Variants in HDAC1 observed in about 807,000 individuals in gnomAD.
The protein encoded by HDAC1 is protein deacetylase HDAC1.
A neutral mutation model predicts 65.5 loss-of-function variants in HDAC1; 18 were observed. That is an observed-to-expected ratio of 0.27 (90% CI 0.19 to 0.41). The LOEUF (loss-of-function observed/expected upper bound fraction) is 0.41, where lower values mean the gene tolerates loss of function less well. HDAC1 is among the 10% of genes least tolerant of loss of function. The probability of loss-of-function intolerance (pLI) is 1.00; values close to 1 mark genes in which losing one functional copy is unlikely to be tolerated. For synonymous variants in HDAC1, 211 were observed against 227.9 expected, an observed-to-expected ratio of 0.93 and a Z score of 0.67; for missense variants, 373 against 625.2, an observed-to-expected ratio of 0.60 and a Z score of 4.30.
In HDAC1 at chr1:32,330,262, G is replaced by C. The variant is rs1641273476; in HGVS notation, c.730-316G>C. On this transcript the variant is annotated intron_variant, in intron 7 of 13. Coordinates refer to ENST00000373548, the MANE Select transcript of HDAC1 (RefSeq NM_004964.3). The surrounding 1 kb of genome is among the most constrained non-coding windows in gnomAD (Gnocchi z 4.2). The stretch of plus-strand genomic sequence containing the variant: ...AATGAGTAGAGTAGATGCAGCTAAA[G>C]GTCAGGAAGGCTTCCTGGAGGAAGT... The C allele has an allele frequency of 1.2e-5, 4 of 346,314 alleles. No homozygotes were observed. The highest frequency in any genetic ancestry group is 4.3e-5 in the Admixed American group (1 of 23,010). The allele number at this position is 346,314 out of a possible 1,614,324, so 21.5% of individuals were successfully genotyped here.
At chr1:32,292,614 G>C (rs550367888) in intron 1 of HDAC1, among the ~76,000 whole-genome samples, 5 of 152,170 alleles carry the variant, frequency 3.3e-5, no homozygotes, top group Non-Finnish European at 7.4e-5. Flanking sequence ...CATCTTTTCT[G>C]GGGGAAGAGT....
chr1:32,323,797 G>A (rs1557609866), intron 3 of HDAC1, among the ~76,000 whole-genome samples: 1 of 152,176 alleles, frequency 6.6e-6, no homozygotes, highest in Non-Finnish European at 1.5e-5. Context: ...AGTGTCTGGC[G>A]TGTTGTACGT....
intron 2 of HDAC1, among the ~76,000 whole-genome samples, chr1:32,311,352 C>G (rs374254449): frequency 1.1e-4 from 17 of 152,090 alleles, no homozygotes; most frequent in East Asian, 3.9e-4. Flanking sequence ...CCTGTAATCC[C>G]AGCTACTCAG....
intron 2 of HDAC1, among the ~76,000 whole-genome samples, chr1:32,306,332 AT>A (rs1189177313): frequency 1.3e-5 from 2 of 151,018 alleles, no homozygotes; most frequent in African/African-American, 4.9e-5. Flanking sequence ...CTAATTTTGT[AT>A]TTTTGGTAGA....
chr1:32,317,402 A>G (rs1178208296), intron 3 of HDAC1, among the ~76,000 whole-genome samples: 1 of 152,210 alleles, frequency 6.6e-6, no homozygotes, highest in Non-Finnish European at 1.5e-5. Context: ...GGACAAAACT[A>G]TCATACCTGA....
In HDAC1 at chr1:32,332,169, C is replaced by T. The variant is rs1557613861; in HGVS notation, c.1299C>T (p.Asn433=). Residue 433 remains asparagine (N), a synonymous_variant, in exon 12 of 14, where the codon AAC becomes AAT. Coordinates refer to ENST00000373548, the MANE Select transcript of HDAC1 (RefSeq NM_004964.3). ...SEEEGEGGRK[N]SSNFKKAKRV... The stretch of plus-strand genomic sequence containing the variant: ...AGGAGGGAGAGGGGGGCCGCAAGAA[C>T]TCTTCCAACTTCAAAAAAGCCAAGA... 2 of 1,613,652 alleles carry T rather than the reference C, an allele frequency of 1.2e-6. No individual in the cohort carries two copies.
chr1:32,311,347 A>G (rs1262188475), intron 2 of HDAC1, among the ~76,000 whole-genome samples: 3 of 152,254 alleles, frequency 2.0e-5, no homozygotes, highest in African/African-American at 7.2e-5. Flanking sequence ...GGGTGCCTGT[A>G]ATCCCAGCTA....
At chr1:32,310,190 TTA>T (rs1453045829) in intron 2 of HDAC1, among the ~76,000 whole-genome samples, 1 of 152,144 alleles carries the variant, frequency 6.6e-6, no homozygotes, top group Non-Finnish European at 1.5e-5. Context: ...AGTGTTTTGT[TTA>T]TGTTTGTTTT....
At chr1:32,305,390 A>T (rs1201715154) in intron 2 of HDAC1, among the ~76,000 whole-genome samples, 3 of 152,200 alleles carry the variant, frequency 2.0e-5, no homozygotes, top group Admixed American at 2.0e-4. Flanking sequence ...ATATGCACAT[A>T]TTCACCTGTG....
At chr1:32,301,334 T>C (rs1223086246) in intron 1 of HDAC1, among the ~76,000 whole-genome samples, 1 of 152,088 alleles carries the variant, frequency 6.6e-6, no homozygotes, top group Non-Finnish European at 1.5e-5. Flanking sequence ...TAGTCCCAGC[T>C]ACTCGGGAGG....
rs1297194908 is a variant in HDAC1, at chr1:32,314,602, G to A, written c.163-2063G>A. On this transcript the variant is annotated intron_variant, in intron 2 of 13. Transcript: ENST00000373548. Reference sequence around the variant, plus strand: ...AGCACTTTGGGAGGCCGAGGCGGGTGGATCACGAGGTCAGGAGATCGAGAC... The same window carrying A: ...AGCACTTTGGGAGGCCGAGGCGGGTAGATCACGAGGTCAGGAGATCGAGAC... Among the ~76,000 whole-genome samples the A allele has an allele frequency of 2.6e-5, 4 of 151,966 alleles. No homozygotes were observed. The East Asian group carries it at 7.8e-4, about 29-fold the overall frequency.
chr1:32,297,777 ATTTTTTTT>A (rs71571709), intron 1 of HDAC1, among the ~76,000 whole-genome samples: 1 of 72,154 alleles, frequency 1.4e-5, no homozygotes, highest in Non-Finnish European at 2.6e-5. Flanking sequence ...CGCCTGGCTA[ATTTTTTTT>A]TTTTTTTTTT....
intron 1 of HDAC1, among the ~76,000 whole-genome samples, chr1:32,292,867 T>C (rs1640716703): frequency 6.6e-6 from 1 of 151,958 alleles, no homozygotes; most frequent in Non-Finnish European, 1.5e-5. Context: ...CTCAGAGTGT[T>C]AGGGGAGCAC....
rs532672117 is a variant in HDAC1 at position 32,300,269 on chromosome 1, A to G, written c.50-2352A>G. On this transcript the variant is annotated intron_variant, in intron 1 of 13. Coordinates refer to ENST00000373548, the MANE Select transcript of HDAC1 (RefSeq NM_004964.3). ...CTTCAAGGGGTACCCAGTCTTGTGG[A>G]TATAGTCATGTAAATAATTCAGATA... Among the ~76,000 whole-genome samples the G allele has an allele frequency of 1.1e-4, 17 of 152,218 alleles. No individual in the cohort carries two copies. The East Asian group carries it at 3.3e-3, about 29-fold the overall frequency.
intron 1 of HDAC1, among the ~76,000 whole-genome samples, chr1:32,298,569 G>A (rs1640804394): frequency 6.6e-6 from 1 of 152,106 alleles, no homozygotes; most frequent in South Asian, 2.1e-4. Flanking sequence ...TCATTACTTT[G>A]GGATTCAGAT....
chr1:32,308,095 G>A (rs1035921285), intron 2 of HDAC1, among the ~76,000 whole-genome samples: 9 of 152,178 alleles, frequency 5.9e-5, no homozygotes, highest in Non-Finnish European at 1.3e-4. Flanking sequence ...CAAGGTGGGC[G>A]GATCACCTGA....
intron 3 of HDAC1, among the ~76,000 whole-genome samples, chr1:32,323,704 C>T (rs1198831989): frequency 6.6e-6 from 1 of 152,070 alleles, no homozygotes; most frequent in African/African-American, 2.4e-5. Flanking sequence ...GGCCTTGTTT[C>T]CCTACTTATA....
intron 2 of HDAC1, among the ~76,000 whole-genome samples, chr1:32,304,969 C>T (rs1186734882): frequency 6.6e-6 from 1 of 152,020 alleles, no homozygotes. Flanking sequence ...ACTTTGGTCT[C>T]CCAAAGTGCT....
Position 32,331,715 on chromosome 1 carries a change from A to C in HDAC1, c.1128A>C (p.Ala376=), listed in dbSNP as rs536858701. ...LFENLRMLPH[A]PGVQMQAIPE... ...AGAACCTTAGAATGCTGCCGCACGC[A>C]CCTGGGGTCCAAATGCAGGCGATTC... Residue 376 remains alanine (A), a synonymous_variant, in exon 11 of 14, where the codon GCA becomes GCC. Coordinates refer to ENST00000373548, the MANE Select transcript of HDAC1 (RefSeq NM_004964.3). The surrounding 1 kb of genome is among the most constrained non-coding windows in gnomAD (Gnocchi z 4.2). The C allele has an allele frequency of 6.2e-7, 1 of 1,614,076 alleles. No individual in the cohort carries two copies. The highest frequency in any genetic ancestry group is 1.3e-5 in the African/African-American group (1 of 74,996).
Sources: allele counts gnomAD v4.1 joint callset (sites outside exome capture counted in the v4.1 genomes callset), GRCh38; gene constraint gnomAD v4.1.1; non-coding constraint Gnocchi (gnomAD v3.1); transcripts MANE v1.5; gene names NCBI Gene and HGNC (gene_info 2026-07-23, HGNC 2026-07-21).